The following CLYBL variants were observed in gnomAD, a reference collection of about 807,000 sequenced individuals.
The protein encoded by CLYBL is citramalyl-CoA lyase.
A neutral mutation model predicts 38.9 loss-of-function variants in CLYBL; 31 were observed. That is an observed-to-expected ratio of 0.80 (90% CI 0.60 to 1.08). CLYBL has a LOEUF of 1.08. Among genes scored for constraint, CLYBL ranks in the 50% least tolerant of loss-of-function variants. The pLI, the probability that CLYBL is intolerant of heterozygous loss-of-function variation, is 0.00. For synonymous variants in CLYBL, 171 were observed against 158.6 expected, an observed-to-expected ratio of 1.08 and a Z score of -0.59; for missense variants, 434 against 411.6, an observed-to-expected ratio of 1.05 and a Z score of -0.47.
chr13:99,687,357 C>T (rs1028018715), intron 1 of CLYBL, among the ~76,000 whole-genome samples: 9 of 152,188 alleles, frequency 5.9e-5, no homozygotes, highest in African/African-American at 2.2e-4. Context: ...ATCTAGCATA[C>T]CCATGGGCCA....
chr13:99,653,968 T>TAA (rs1210283173), intron 1 of CLYBL, among the ~76,000 whole-genome samples: 1 of 152,174 alleles, frequency 6.6e-6, no homozygotes, highest in East Asian at 1.9e-4. Flanking sequence ...ACTTGAAACA[T>TAA]GGTTAGGTGG....
At chr13:99,879,928 A>C (rs757391399) in intron 7 of CLYBL, among the ~76,000 whole-genome samples, 6 of 152,028 alleles carry the variant, frequency 3.9e-5, no homozygotes, top group Non-Finnish European at 8.8e-5. Flanking sequence ...AGGAGAGATC[A>C]TCATACTCCT....
At chr13:99,658,763 C>T (rs896790652) in intron 1 of CLYBL, among the ~76,000 whole-genome samples, 2 of 152,306 alleles carry the variant, frequency 1.3e-5, no homozygotes, top group Admixed American at 6.5e-5. Flanking sequence ...CAAAAACCCT[C>T]TCCCAACCCC....
At position 99,746,293 on chromosome 13, in the gene CLYBL, A is replaced by G. The variant is rs577345840; in HGVS notation, c.63-26531A>G. ...AAGGAGAAACTGATCTTTTTAGTTC[A>G]CATTTGCTCAGTTACCTCTAACTGA... On this transcript the variant is annotated intron_variant, in intron 1 of 8. Transcript: ENST00000339105. Among the ~76,000 whole-genome samples the G allele has an allele frequency of 3.3e-5, 5 of 152,052 alleles. No homozygotes were observed. In the South Asian group the frequency reaches 1.0e-3, roughly 32 times the overall value.
At chr13:99,663,853 G>A (rs1447322962) in intron 1 of CLYBL, among the ~76,000 whole-genome samples, 1 of 152,198 alleles carries the variant, frequency 6.6e-6, no homozygotes, top group Admixed American at 6.5e-5. Flanking sequence ...CAAAGGGAAA[G>A]AGGGGAAAAT....
chr13:99,608,216 G>C (rs575534043), intron 1 of CLYBL, among the ~76,000 whole-genome samples: 2 of 151,984 alleles, frequency 1.3e-5, no homozygotes, highest in African/African-American at 4.8e-5. Context: ...GGATTACAGG[G>C]CGTCCGCCAC....
In CLYBL at chr13:99,750,476, C is replaced by G. The variant is rs143927769; in HGVS notation, c.63-22348C>G. On this transcript the variant is annotated intron_variant, in intron 1 of 8. Coordinates refer to ENST00000339105, the MANE Select transcript of CLYBL (RefSeq NM_206808.5). ...ATCACACAAGGTCAGGGGTTCGAGA[C>G]CAGCCTGGCCAACATGGTGAAACCC... Among the ~76,000 whole-genome samples the G allele has an allele frequency of 6.2e-3, 941 of 152,108 alleles. 9 individuals carry two copies. The highest frequency in any genetic ancestry group is 0.022 in the African/African-American group (895 of 41,500).
intron 1 of CLYBL, among the ~76,000 whole-genome samples, chr13:99,623,213 T>C (rs1364410185): frequency 6.6e-6 from 1 of 152,208 alleles, no homozygotes; most frequent in Admixed American, 6.5e-5. Flanking sequence ...CATTTTACAT[T>C]CCACCAGCAA....
At position 99,771,020 on chromosome 13, in the gene CLYBL, CTTTTTTTTTTTTTTTTTT is replaced by C. The variant is rs546998940; in HGVS notation, c.63-1790_63-1773del. ...CAGGCGTAAGCCACCACGCGGGGCC[CTTTTTTTTTTTTTTTTTT>C]TTTTTTTTTTTTTGAGGCAAGGTAT... On this transcript the variant is annotated intron_variant, in intron 1 of 8. Coordinates refer to ENST00000339105, the MANE Select transcript of CLYBL (RefSeq NM_206808.5). 1.6e-3 allele frequency among the ~76,000 whole-genome samples: 197 copies of C among 120,236 alleles called. 2 individuals carry two copies. The highest frequency in any genetic ancestry group is 4.4e-3 in the African/African-American group (123 of 27,698). 78.9% of individuals were successfully genotyped at this position (120,236 alleles called of 152,430 possible). A position where few individuals can be genotyped will look rare whatever the true frequency, so the allele number is the denominator to read the frequency against.
At chr13:99,789,998 T>C (rs1367785562) in intron 2 of CLYBL, among the ~76,000 whole-genome samples, 4 of 152,196 alleles carry the variant, frequency 2.6e-5, no homozygotes, top group African/African-American at 9.7e-5. Flanking sequence ...AAGTCTGTTT[T>C]ATCAAAGACT....
intron 1 of CLYBL, among the ~76,000 whole-genome samples, chr13:99,667,271 G>A (rs553027369): frequency 6.6e-5 from 10 of 152,178 alleles, no homozygotes; most frequent in Non-Finnish European, 1.2e-4. Context: ...ATGGAGCCAC[G>A]TATGCTGTAA....
At chr13:99,860,411 C>G (rs1207583498) in intron 3 of CLYBL, among the ~76,000 whole-genome samples, 1 of 152,088 alleles carries the variant, frequency 6.6e-6, no homozygotes, top group East Asian at 1.9e-4. Context: ...GACCCGTATT[C>G]AAGGACCAGT....
At position 99,679,013 on chromosome 13, in the gene CLYBL, C is replaced by T. The variant is rs191019405; in HGVS notation, c.62+72256C>T. ...TATTGCTCATTAGAAAAATTGTATA[C>T]GCCAGGCGTGGAGGCTCATGTCTGT... On this transcript the variant is annotated intron_variant, in intron 1 of 8. Coordinates refer to ENST00000339105, the MANE Select transcript of CLYBL (RefSeq NM_206808.5). 8.6e-5 allele frequency among the ~76,000 whole-genome samples: 13 copies of T among 152,036 alleles called. No homozygotes were observed. In the East Asian group the frequency reaches 1.5e-3, roughly 18 times the overall value.
chr13:99,780,415 C>T (rs539787800), intron 2 of CLYBL, among the ~76,000 whole-genome samples: 1 of 152,270 alleles, frequency 6.6e-6, no homozygotes, highest in African/African-American at 2.4e-5. Context: ...GAGTCTCGCT[C>T]TGTCACCCAG....
chr13:99,712,450 T>C (rs2139497313), intron 1 of CLYBL, among the ~76,000 whole-genome samples: 1 of 150,514 alleles, frequency 6.6e-6, no homozygotes, highest in Middle Eastern at 3.4e-3. Flanking sequence ...TCCTCCCGCC[T>C]CAGCCTCCCA....
At chr13:99,620,186 A>G (rs973465151) in intron 1 of CLYBL, among the ~76,000 whole-genome samples, 2 of 152,226 alleles carry the variant, frequency 1.3e-5, no homozygotes, top group Non-Finnish European at 2.9e-5. Context: ...AACCTAAAAG[A>G]ACTCAGGAGA....
At chr13:99,736,047 T>TC (rs2048662501) in intron 1 of CLYBL, among the ~76,000 whole-genome samples, 1 of 138,554 alleles carries the variant, frequency 7.2e-6, no homozygotes. Flanking sequence ...TCTTTTTTTT[T>TC]TTTTTTTTTT....
chr13:99,796,698 C>T (rs984506696), intron 2 of CLYBL, among the ~76,000 whole-genome samples: 1 of 152,208 alleles, frequency 6.6e-6, no homozygotes, highest in Non-Finnish European at 1.5e-5. Context: ...CCACACAAAA[C>T]CTCCTGGATT....
intron 2 of CLYBL, among the ~76,000 whole-genome samples, chr13:99,823,816 A>G (rs954660164): frequency 3.9e-5 from 6 of 152,084 alleles, no homozygotes; most frequent in African/African-American, 1.4e-4. Context: ...TATATGTTCT[A>G]TTTTTCCCCA....
Sources: allele counts gnomAD v4.1 joint callset (sites outside exome capture counted in the v4.1 genomes callset), GRCh38; gene constraint gnomAD v4.1.1; transcripts MANE v1.5; gene names NCBI Gene and HGNC (gene_info 2026-07-23, HGNC 2026-07-21).